DOCK1: variants seen among roughly 807,000 people sequenced by gnomAD.
The protein encoded by DOCK1 is dedicator of cytokinesis protein 1.
DOCK1 carries 138 observed loss-of-function variants against 262.7 expected under a neutral mutation model. The ratio of observed to expected loss-of-function variants is 0.53; its 90% confidence interval spans 0.46 to 0.61. DOCK1 has a LOEUF of 0.61. Ranked by LOEUF, DOCK1 falls within the 20% of genes least tolerant of loss-of-function variation. The pLI, the probability that DOCK1 is intolerant of heterozygous loss-of-function variation, is 0.00. For synonymous variants in DOCK1, 866 were observed against 867.4 expected, an observed-to-expected ratio of 1.00 and a Z score of 0.03; for missense variants, 1,908 against 2,370.7, an observed-to-expected ratio of 0.80 and a Z score of 4.05.
intron 38 of DOCK1, among the ~76,000 whole-genome samples, chr10:127,401,824 G>A (rs1430065650): frequency 6.6e-6 from 1 of 152,208 alleles, no homozygotes; most frequent in African/African-American, 2.4e-5. Context: ...CTAGCTACCT[G>A]CTGTAACAGC....
intron 27 of DOCK1, among the ~76,000 whole-genome samples, chr10:127,130,096 T>TTTTTTTC (rs2050228128): frequency 7.8e-6 from 1 of 127,636 alleles, no homozygotes; most frequent in African/African-American, 3.2e-5. Context: ...TTTTTTTTTT[T>TTTTTTTC]CCCCTGAGAT....
chr10:127,264,971 G>A (rs941402724), intron 29 of DOCK1, among the ~76,000 whole-genome samples: 3 of 152,170 alleles, frequency 2.0e-5, no homozygotes, highest in Non-Finnish European at 4.4e-5. Context: ...ACCCGGCCAT[G>A]ATGTAGATCT....
Position 127,409,081 on chromosome 10 carries a change from A to G in DOCK1, c.4167A>G (p.Glu1389=). 1.2e-6 allele frequency: 2 copies of G among 1,600,572 alleles called. No homozygotes were observed. The highest frequency in any genetic ancestry group is 1.7e-6 in the Non-Finnish European group (2 of 1,172,822). ...GAGGGAAAGAGTATGAGCGCCGGGA[A>G]GATTTTGAGGCTCGGCTCTTAACTC... ...IYRGKEYERR[E]DFEARLLTQF... is the part of the protein sequence containing the mutation. The change falls in exon 41 of 52, where the codon GAA becomes GAG. Residue 1389 remains glutamate (E), a synonymous_variant. Coordinates refer to ENST00000623213, the MANE Select transcript of DOCK1 (RefSeq NM_001290223.2).
intron 27 of DOCK1, among the ~76,000 whole-genome samples, chr10:127,202,768 T>G (rs1303419907): frequency 6.6e-6 from 1 of 152,210 alleles, no homozygotes; most frequent in African/African-American, 2.4e-5. Flanking sequence ...CACTCAATAC[T>G]GTTAAACTGT....
intron 12 of DOCK1, among the ~76,000 whole-genome samples, chr10:127,017,561 G>A (rs2042092124): frequency 6.7e-6 from 1 of 148,786 alleles, no homozygotes; most frequent in African/African-American, 2.5e-5. Flanking sequence ...ACACACACAT[G>A]CACAGATACA....
At chr10:126,922,148 T>C (rs1319301650) in intron 1 of DOCK1, among the ~76,000 whole-genome samples, 1 of 133,432 alleles carries the variant, frequency 7.5e-6, no homozygotes, top group East Asian at 2.2e-4. Context: ...GCCCAGGAAG[T>C]GGAGGTTGCA....
chr10:126,991,806 T>A (rs570190330), intron 6 of DOCK1, among the ~76,000 whole-genome samples: 1 of 152,230 alleles, frequency 6.6e-6, no homozygotes, highest in South Asian at 2.1e-4. Context: ...CAGGATTACA[T>A]GCGAGAGCCA....
chr10:127,007,783 T>A (rs1018347854), intron 10 of DOCK1, among the ~76,000 whole-genome samples: 1 of 152,208 alleles, frequency 6.6e-6, no homozygotes, highest in East Asian at 1.9e-4. Context: ...TTGGAGACTT[T>A]CTCGCTGTAG....
intron 33 of DOCK1, among the ~76,000 whole-genome samples, chr10:127,370,456 C>T (rs2065147441): frequency 6.6e-6 from 1 of 152,066 alleles, no homozygotes; most frequent in Admixed American, 6.5e-5. Context: ...AAAGCATGGT[C>T]CTGGATGTCT....
chr10:127,382,915 A>G (rs75817502), intron 37 of DOCK1, among the ~76,000 whole-genome samples: 348 of 152,316 alleles, frequency 2.3e-3, no homozygotes, highest in African/African-American at 7.8e-3. Context: ...GATAGGCCCA[A>G]TTGCATTGCT....
At chr10:127,056,267 C>T (rs1485084977) in intron 22 of DOCK1, among the ~76,000 whole-genome samples, 1 of 152,156 alleles carries the variant, frequency 6.6e-6, no homozygotes, top group Non-Finnish European at 1.5e-5. Context: ...TACTGTGATG[C>T]AGTCATAGGT....
At position 127,176,710 on chromosome 10, in the gene DOCK1, G is replaced by A. The variant is rs925285215; in HGVS notation, c.2847+48946G>A. 6.6e-6 allele frequency among the ~76,000 whole-genome samples: 1 copy of A among 152,204 alleles called. No homozygotes were observed. The highest frequency in any genetic ancestry group is 2.4e-5 in the African/African-American group (1 of 41,458). On this transcript the variant is annotated intron_variant, in intron 27 of 51. Coordinates refer to ENST00000623213, the MANE Select transcript of DOCK1 (RefSeq NM_001290223.2). This position sits in a 1 kb window ranked among gnomAD's most constrained non-coding sequence, Gnocchi z 4.4. ...TACATTCATCAAGAAACCCAATGAT[G>A]CTGCCTCTTCTGCTTTGCAAATTAT... is the stretch of plus-strand genomic sequence containing the variant.
intron 29 of DOCK1, among the ~76,000 whole-genome samples, chr10:127,299,382 G>A (rs1168530309): frequency 6.6e-6 from 1 of 152,228 alleles, no homozygotes; most frequent in Non-Finnish European, 1.5e-5. Flanking sequence ...GGGATTACAG[G>A]CGTGAGCCGC....
At chr10:127,185,811 G>C (rs928040036) in intron 27 of DOCK1, among the ~76,000 whole-genome samples, 2 of 152,156 alleles carry the variant, frequency 1.3e-5, no homozygotes, top group Non-Finnish European at 2.9e-5. Context: ...TGGGAGAGAA[G>C]GAGATGGCAC....
At chr10:127,329,693 G>T (rs978885369) in intron 29 of DOCK1, among the ~76,000 whole-genome samples, 1 of 152,194 alleles carries the variant, frequency 6.6e-6, no homozygotes, top group Non-Finnish European at 1.5e-5. Flanking sequence ...TGATGTGTTT[G>T]TCTTGGAGAT....
At chr10:127,414,428 G>C (rs1439297463) in intron 43 of DOCK1, among the ~76,000 whole-genome samples, 2 of 152,196 alleles carry the variant, frequency 1.3e-5, no homozygotes, top group African/African-American at 4.8e-5. Context: ...TAGTAGAATT[G>C]TATTTATTGG....
chr10:127,052,750 C>G lies in DOCK1; in HGVS notation c.2271C>G (p.Tyr757Ter). The change falls in exon 22 of 52, where the codon TAC becomes TAG. Residue 757 changes from tyrosine (Y) to a stop codon, truncating the protein, a stop_gained. Coordinates refer to ENST00000623213, the MANE Select transcript of DOCK1 (RefSeq NM_001290223.2). LOFTEE classifies it high-confidence loss of function. ...AGCCGGGAGTAAATGAGCAGCTGTA[C>G]AAAGCCATGAAAGCGCTAGAATCCA... is the stretch of plus-strand genomic sequence containing the variant. ...AEKPGVNEQLYKAMKALESIF... is the reference protein window; with the variant it reads ...AEKPGVNEQL The G allele has an allele frequency of 1.2e-6, 2 of 1,613,890 alleles. No homozygotes were observed. The highest frequency in any genetic ancestry group is 1.7e-6 in the Non-Finnish European group (2 of 1,179,874).
At chr10:127,125,444 C>T (rs1177086164) in intron 25 of DOCK1, 30 bp from the exon 26 acceptor site, 1 of 1,610,602 alleles carries the variant, frequency 6.2e-7, no homozygotes, top group Admixed American at 1.7e-5. Flanking sequence ...GTGGGTTTCA[C>T]ACTGACTGGC....
chr10:126,977,957 G>A lies in DOCK1; in HGVS notation c.140G>A (p.Arg47Gln), dbSNP rs1054479346. The A allele has an allele frequency of 2.5e-6, 4 of 1,613,828 alleles. No individual in the cohort carries two copies. Among genetic ancestry groups the A allele is most frequent in the East Asian group, 2.2e-5 (1 of 44,884 alleles). ...CTTTGTGTTTGTTTAGGGTGGTACC[G>A]AGGTTACACGTTACGAAAAAAGTCT... ...HILETYEGWY[R>Q]GYTLRKKSKK... Residue 47 changes from arginine (R) to glutamine (Q), a missense_variant, in exon 3 of 52, where the codon CGA becomes CAA. This residue lies in a region of DOCK1 where 227 missense variants were observed against 254.1 expected (regional missense o/e 0.89). Coordinates refer to ENST00000623213, the MANE Select transcript of DOCK1 (RefSeq NM_001290223.2).
Sources: gnomAD v4.1 joint callset for allele counts (sites outside exome capture counted in the v4.1 genomes callset) on GRCh38, gnomAD v4.1.1 for gene constraint, gnomAD v4.1.1 regional missense constraint, Gnocchi (gnomAD v3.1) non-coding constraint, MANE v1.5 for transcripts, NCBI Gene and HGNC (gene_info 2026-07-23, HGNC 2026-07-21) for gene names.